The following RGMA variants were observed in gnomAD, a reference collection of about 807,000 sequenced individuals.
The protein encoded by RGMA is repulsive guidance molecule A.
RGMA carries 10 observed loss-of-function variants against 23.2 expected under a neutral mutation model. The observed-to-expected ratio is 0.43, with a 90% CI of 0.27 to 0.73. The LOEUF (loss-of-function observed/expected upper bound fraction) is 0.73, where lower values mean the gene tolerates loss of function less well. Ranked by LOEUF, RGMA falls within the 30% of genes least tolerant of loss-of-function variation. The probability of loss-of-function intolerance (pLI) is 0.20; values close to 1 mark genes in which losing one functional copy is unlikely to be tolerated. For missense variants in RGMA, 547 were observed against 630.5 expected, an observed-to-expected ratio of 0.87 and a Z score of 1.42; for synonymous variants, 308 against 279.3, an observed-to-expected ratio of 1.10 and a Z score of -1.03.
At chr15:93,054,674 G>C (rs1456032788) in intron 2 of RGMA, among the ~76,000 whole-genome samples, 1 of 152,202 alleles carries the variant, frequency 6.6e-6, no homozygotes, top group South Asian at 2.1e-4. Context: ...TCTTGGGTAT[G>C]TCTTTATCAG....
In RGMA at chr15:93,045,780, T is replaced by G; in HGVS notation, c.646-75A>C. The G allele has an allele frequency of 1.3e-5, 14 of 1,108,594 alleles. No individual in the cohort carries two copies. The highest frequency in any genetic ancestry group is 1.7e-5 in the Non-Finnish European group (13 of 750,734). 68.7% of individuals were successfully genotyped at this position (1,108,594 alleles called of 1,614,324 possible). On this transcript the variant is annotated intron_variant, in intron 3 of 3. Coordinates refer to ENST00000329082, the MANE Select transcript of RGMA (RefSeq NM_020211.3). The surrounding 1 kb of genome is among the most constrained non-coding windows in gnomAD (Gnocchi z 6.9). ...GCACAGCCCCACACTTAAGATGCTCTAGACTGAGAGGAGGGCAGGAAGGAT... is the reference window on the plus strand; with the variant it reads ...GCACAGCCCCACACTTAAGATGCTCGAGACTGAGAGGAGGGCAGGAAGGAT...
chr15:93,069,983 C>T (rs1895272480), intron 2 of RGMA, among the ~76,000 whole-genome samples: 2 of 152,190 alleles, frequency 1.3e-5, no homozygotes, highest in African/African-American at 4.8e-5. Flanking sequence ...TTTTAAGAGT[C>T]CTTTCTGGCC....
In RGMA at chr15:93,066,541, C is replaced by T. The variant is rs1019567703; in HGVS notation, c.130+6375G>A. On this transcript the variant is annotated intron_variant, in intron 2 of 3. Coordinates refer to ENST00000329082, the MANE Select transcript of RGMA (RefSeq NM_020211.3). ...CCGCCCCTGCCACCGCCCTCCCCGC[C>T]ACCTGCTTTCTGGGGCTTCCCTGCG... The T allele has an allele frequency of 4.9e-5, 24 of 489,528 alleles. No homozygotes were observed. In the East Asian group the frequency reaches 6.0e-4, roughly 12 times the overall value. The allele number at this position is 489,528 out of a possible 1,614,324, so 30.3% of individuals were successfully genotyped here.
At chr15:93,065,372 C>T (rs1895108608) in intron 2 of RGMA, among the ~76,000 whole-genome samples, 1 of 151,108 alleles carries the variant, frequency 6.6e-6, no homozygotes, top group African/African-American at 2.4e-5. Context: ...ACAGTAAGCT[C>T]CCTTCCTTCA....
intron 2 of RGMA, 121 bp from the exon 3 acceptor site, chr15:93,052,628 C>T (rs1455225914): frequency 3.7e-6 from 4 of 1,083,624 alleles, no homozygotes; most frequent in Non-Finnish European, 5.1e-6. Flanking sequence ...CCACCCATGC[C>T]ACACACAGAT....
chr15:93,072,536 G>C (rs900933544), intron 2 of RGMA, among the ~76,000 whole-genome samples: 1 of 152,044 alleles, frequency 6.6e-6, no homozygotes, highest in Non-Finnish European at 1.5e-5. Flanking sequence ...CAAACTGCTG[G>C]GCGAGGAGCT....
Position 93,038,069 on chromosome 15 carries a change from T to C in RGMA, c.*6929A>G, listed in dbSNP as rs2054679471. 6.6e-6 allele frequency: 1 copy of C among 152,138 alleles called. No homozygotes were observed. The highest frequency in any genetic ancestry group is 1.5e-5 in the Non-Finnish European group (1 of 68,026). 9.4% of individuals were successfully genotyped at this position (152,138 alleles called of 1,614,324 possible). A position where few individuals can be genotyped will look rare whatever the true frequency, so the allele number is the denominator to read the frequency against. On this transcript the variant is annotated 3_prime_UTR_variant, in exon 4 of 4. Coordinates refer to ENST00000329082, the MANE Select transcript of RGMA (RefSeq NM_020211.3). ...TGCTACTAACACCATGTCTATATCT[T>C]AGGGAGGGAAGGATTAAAAAGTCGA...
intron 2 of RGMA, among the ~76,000 whole-genome samples, chr15:93,070,016 C>T (rs1280305239): frequency 1.3e-5 from 2 of 152,182 alleles, no homozygotes; most frequent in Non-Finnish European, 2.9e-5. Flanking sequence ...TAGACGTGGA[C>T]ACTGTCTGCC....
At chr15:93,081,524 C>G (rs779546147) in intron 1 of RGMA, among the ~76,000 whole-genome samples, 12 of 152,188 alleles carry the variant, frequency 7.9e-5, no homozygotes, top group Non-Finnish European at 1.6e-4. Flanking sequence ...CAAGACACAC[C>G]AGGTTCCCGT....
Position 93,037,806 on chromosome 15 carries a change from T to C in RGMA, c.*7192A>G, listed in dbSNP as rs975497692. The stretch of plus-strand genomic sequence containing the variant: ...GAGGGAGCAGGTTTGAGTTCAGATG[T>C]GGAAGAATCCAAGTGCCGTCTCAGG... On this transcript the variant is annotated 3_prime_UTR_variant, in exon 4 of 4. Coordinates refer to ENST00000329082, the MANE Select transcript of RGMA (RefSeq NM_020211.3). The surrounding 1 kb of genome is among the most constrained non-coding windows in gnomAD (Gnocchi z 4.3). 1 of 152,170 alleles carries C rather than the reference T, an allele frequency of 6.6e-6. No individual in the cohort carries two copies. Among genetic ancestry groups the C allele is most frequent in the African/African-American group, 2.4e-5 (1 of 41,398 alleles). 9.4% of individuals were successfully genotyped at this position (152,170 alleles called of 1,614,324 possible).
intron 2 of RGMA, among the ~76,000 whole-genome samples, chr15:93,060,252 G>C (rs2055080978): frequency 1.3e-5 from 2 of 152,242 alleles, no homozygotes. Context: ...TTCGACCTCA[G>C]AGACACAGAC....
rs765965034 is a variant in RGMA at position 93,073,004 on chromosome 15, A to G, written c.42T>C (p.Ala14=). The change falls in exon 2 of 4, where the codon GCT becomes GCC. Residue 14 remains alanine (A), a synonymous_variant. Transcript: ENST00000329082. ...PRERLVVTGR[A]GWMGMGRGAG... is the part of the protein sequence containing the mutation. ...CCCCTCTCCCCATACCCATCCATCC[A>G]GCTCGGCCTGTTACCACTAGCCTCT... The G allele has an allele frequency of 3.1e-6, 5 of 1,610,790 alleles. No homozygotes were observed. Among genetic ancestry groups the G allele is most frequent in the Non-Finnish European group, 4.2e-6 (5 of 1,178,772 alleles).
chr15:93,061,697 T>A (rs1377087198), intron 2 of RGMA, among the ~76,000 whole-genome samples: 1 of 152,188 alleles, frequency 6.6e-6, no homozygotes, highest in South Asian at 2.1e-4. Flanking sequence ...ATCAGAAAGA[T>A]AGGGGAGGGC....
Position 93,052,367 on chromosome 15 carries a change from G to A in RGMA, c.271C>T (p.Arg91Cys), listed in dbSNP as rs752826065. 9 of 1,600,396 alleles carry A rather than the reference G, an allele frequency of 5.6e-6. No homozygotes were observed. Among genetic ancestry groups the A allele is most frequent in the Admixed American group, 3.3e-5 (2 of 59,924 alleles). The stretch of plus-strand genomic sequence containing the variant: ...TAGGCCAGGTCACCCCGGCAGGTGC[G>A]GGCCGTCCGCCGCGTGCACAGGGCG... ...SYALCTRRTA[R>C]TCRGDLAYHS... is the part of the protein sequence containing the mutation. Residue 91 changes from arginine (R) to cysteine (C), a missense_variant, in exon 3 of 4, where the codon CGC (arginine) becomes TGC (cysteine). Arg to Cys is a radical substitution (Grantham distance 180, BLOSUM62 -3). Transcript: ENST00000329082.
chr15:93,088,460 T>C, intron 1 of RGMA: 2 of 986,686 alleles, frequency 2.0e-6, no homozygotes, highest in Non-Finnish European at 2.4e-6. Context: ...CGCGGTGCAC[T>C]GCGCCGACAT....
At chr15:93,084,859 G>T (rs1052555930) in intron 1 of RGMA, among the ~76,000 whole-genome samples, 2 of 152,108 alleles carry the variant, frequency 1.3e-5, no homozygotes, top group Admixed American at 6.6e-5. Flanking sequence ...GTCTAATAGG[G>T]GAGTGAATCC....
At chr15:93,073,332 C>G (rs1317683460) in intron 1 of RGMA, among the ~76,000 whole-genome samples, 1 of 151,922 alleles carries the variant, frequency 6.6e-6, no homozygotes, top group Non-Finnish European at 1.5e-5. Context: ...CCAGGCTGCC[C>G]GGCCGCAGCG....
chr15:93,057,297 G>T (rs2055029925), intron 2 of RGMA, among the ~76,000 whole-genome samples: 1 of 152,192 alleles, frequency 6.6e-6, no homozygotes, highest in South Asian at 2.1e-4. Context: ...AATCCCTTAT[G>T]GGATGACATT....
At chr15:93,046,968 A>G (rs140302327) in intron 3 of RGMA, among the ~76,000 whole-genome samples, 11 of 152,268 alleles carry the variant, frequency 7.2e-5, no homozygotes, top group Admixed American at 2.0e-4. Flanking sequence ...CACTGCATGT[A>G]TTACTTCCAG....
Sources: gnomAD v4.1 joint callset for allele counts (sites outside exome capture counted in the v4.1 genomes callset) on GRCh38, gnomAD v4.1.1 for gene constraint, Gnocchi (gnomAD v3.1) non-coding constraint, MANE v1.5 for transcripts, NCBI Gene and HGNC (gene_info 2026-07-23, HGNC 2026-07-21) for gene names.